Variants in FREM3 observed in about 807,000 individuals in gnomAD.
FREM3 encodes FRAS1 related extracellular matrix 3, also known as FRAS1-related extracellular matrix protein 3.
Under a neutral mutation model 129.1 loss-of-function variants are expected in FREM3, and 105 were observed. That is an observed-to-expected ratio of 0.81 (90% CI 0.69 to 0.96). The LOEUF (loss-of-function observed/expected upper bound fraction) is 0.96. FREM3 is among the 40% of genes least tolerant of loss of function. FREM3 has a pLI of 0.00. For missense variants in FREM3, 2,593 were observed against 2,666.3 expected, an observed-to-expected ratio of 0.97 and a Z score of 0.61; for synonymous variants, 1,014 against 1,044.9, an observed-to-expected ratio of 0.97 and a Z score of 0.57.
At chr4:143,595,689 C>T (rs1307255771) in intron 6 of FREM3, among the ~76,000 whole-genome samples, 1 of 152,010 alleles carries the variant, frequency 6.6e-6, no homozygotes, top group Non-Finnish European at 1.5e-5. Flanking sequence ...AGATCAAGAC[C>T]ATCCTGGCTA....
chr4:143,634,639 C>G lies in FREM3; in HGVS notation c.5276-6879G>C, dbSNP rs192347504. Among the ~76,000 whole-genome samples, 668 of 152,188 alleles carry G rather than the reference C, an allele frequency of 4.4e-3. 2 individuals carry two copies. The highest frequency in any genetic ancestry group is 0.015 in the African/African-American group (643 of 41,554). ...CATGTGTGGCTCCGACTGAGAGTCC[C>G]CTTCTGGCTGTGCATAATCACTTGC... On this transcript the variant is annotated intron_variant, in intron 2 of 7. Coordinates refer to ENST00000329798, the MANE Select transcript of FREM3 (RefSeq NM_001168235.2).
chr4:143,620,194 CAT>C (rs1198477106), intron 5 of FREM3, among the ~76,000 whole-genome samples: 13 of 152,244 alleles, frequency 8.5e-5, no homozygotes, highest in Middle Eastern at 3.4e-3. Context: ...CATAACCAAT[CAT>C]ATAGGATGCC....
chr4:143,577,532 G>T lies in FREM3; in HGVS notation c.*79C>A. 1.5e-6 allele frequency: 2 copies of T among 1,332,192 alleles called. No individual in the cohort carries two copies. Among genetic ancestry groups the T allele is most frequent in the Non-Finnish European group, 2.0e-6 (2 of 992,498 alleles). 82.5% of individuals were successfully genotyped at this position (1,332,192 alleles called of 1,614,324 possible). ...ACAATATCACTGATATCCCAGAATT[G>T]CTAAGATCTATAAACAGTAGAGTTT... is the stretch of plus-strand genomic sequence containing the variant. On this transcript the variant is annotated 3_prime_UTR_variant, in exon 8 of 8. Transcript: ENST00000329798.
chr4:143,696,980 G>T lies in FREM3; in HGVS notation c.3696C>A (p.Leu1232=). Residue 1232 remains leucine, a synonymous_variant, in exon 1 of 8, where the codon CTC becomes CTA. Coordinates refer to ENST00000329798, the MANE Select transcript of FREM3 (RefSeq NM_001168235.2). ...TTCGTCCATGCCGAGGGAGGGCTGT[G>T]AGTTGAAAGTGGAGCTCATTTGGTG... ...DLPPNELHFQ[L]TALPRHGRII... is the part of the protein sequence containing the mutation. 1 of 1,537,818 alleles carries T rather than the reference G, an allele frequency of 6.5e-7. No individual in the cohort carries two copies. Among genetic ancestry groups the T allele is most frequent in the Non-Finnish European group, 8.7e-7 (1 of 1,147,056 alleles).
chr4:143,617,272 T>C (rs1034770999), intron 5 of FREM3, among the ~76,000 whole-genome samples: 4 of 152,106 alleles, frequency 2.6e-5, no homozygotes, highest in African/African-American at 9.7e-5. Context: ...GGTGACATTT[T>C]TGGGGGTCAC....
intron 2 of FREM3, among the ~76,000 whole-genome samples, chr4:143,657,385 A>C (rs1368822823): frequency 6.6e-6 from 1 of 152,222 alleles, no homozygotes; most frequent in Non-Finnish European, 1.5e-5. Context: ...AGTCAATAGC[A>C]TTCTCAGAAT....
chr4:143,607,625 G>A (rs895503460), intron 6 of FREM3, among the ~76,000 whole-genome samples: 1 of 152,276 alleles, frequency 6.6e-6, no homozygotes, highest in East Asian at 1.9e-4. Flanking sequence ...GATTATGAGT[G>A]TAGCAGAGAA....
chr4:143,605,627 A>T (rs1738655638), intron 6 of FREM3, among the ~76,000 whole-genome samples: 1 of 152,206 alleles, frequency 6.6e-6, no homozygotes, highest in South Asian at 2.1e-4. Flanking sequence ...TTGCCAGGAT[A>T]TGCACTGGAT....
intron 2 of FREM3, among the ~76,000 whole-genome samples, chr4:143,688,181 T>TAA (rs1740402058): frequency 1.3e-5 from 2 of 151,884 alleles, no homozygotes; most frequent in Non-Finnish European, 1.5e-5. Flanking sequence ...GATACAAGAG[T>TAA]AAAGTACACA....
chr4:143,594,480 A>T (rs76366667), intron 6 of FREM3, among the ~76,000 whole-genome samples: 1,620 of 152,290 alleles, frequency 0.011, 25 homozygotes, highest in African/African-American at 0.037. Flanking sequence ...CATATTGACA[A>T]AGTCTCAAGA....
chr4:143,660,889 TG>T (rs1293251616), intron 2 of FREM3, among the ~76,000 whole-genome samples: 3 of 152,246 alleles, frequency 2.0e-5, no homozygotes, highest in Non-Finnish European at 4.4e-5. Context: ...TCTGTTTGTC[TG>T]TCATTGGTGT....
chr4:143,609,176 T>C (rs1490256953), intron 6 of FREM3, among the ~76,000 whole-genome samples: 1 of 152,120 alleles, frequency 6.6e-6, no homozygotes, highest in African/African-American at 2.4e-5. Flanking sequence ...AATCCAAGTC[T>C]CCAGACCCCC....
At chr4:143,653,670 A>C (rs1261278241) in intron 2 of FREM3, among the ~76,000 whole-genome samples, 2 of 152,224 alleles carry the variant, frequency 1.3e-5, no homozygotes, top group African/African-American at 4.8e-5. Context: ...AGAAGTGTAC[A>C]TGGGGCTTAT....
Position 143,690,432 on chromosome 4 carries a change from G to A in FREM3, c.5275+2681C>T, listed in dbSNP as rs560577881. On this transcript the variant is annotated intron_variant, in intron 2 of 7. Coordinates refer to ENST00000329798, the MANE Select transcript of FREM3 (RefSeq NM_001168235.2). ...TCCATTCTTAAGGCCCATGAGCTAA[G>A]CTGCAGCATACACCTAATGTCCAGT... is the stretch of plus-strand genomic sequence containing the variant. 6.6e-5 allele frequency among the ~76,000 whole-genome samples: 10 copies of A among 152,268 alleles called. No individual in the cohort carries two copies. The East Asian group carries it at 1.7e-3, about 26-fold the overall frequency.
At position 143,687,229 on chromosome 4, in the gene FREM3, C is replaced by T. The variant is rs112116520; in HGVS notation, c.5275+5884G>A. Reference sequence around the variant, plus strand: ...AGGCTGCTACGAACACCTTTACTCACGTAACTAGAAAACCTAGAAGAGATG... The same window carrying T: ...AGGCTGCTACGAACACCTTTACTCATGTAACTAGAAAACCTAGAAGAGATG... On this transcript the variant is annotated intron_variant, in intron 2 of 7. Transcript: ENST00000329798. Among the ~76,000 whole-genome samples, 281 of 152,072 alleles carry T rather than the reference C, an allele frequency of 1.8e-3. 1 individual carries two copies. Among genetic ancestry groups the T allele is most frequent in the African/African-American group, 6.1e-3 (252 of 41,496 alleles).
chr4:143,664,821 G>T (rs927743477), intron 2 of FREM3, among the ~76,000 whole-genome samples: 3 of 152,080 alleles, frequency 2.0e-5, no homozygotes, highest in African/African-American at 7.2e-5. Flanking sequence ...CCTCGCTGCC[G>T]CCTTGCTGTT....
chr4:143,699,165 A>G lies in FREM3; in HGVS notation c.1511T>C (p.Val504Ala), dbSNP rs1371306283. 3 of 1,537,306 alleles carry G rather than the reference A, an allele frequency of 2.0e-6. No individual in the cohort carries two copies. Among genetic ancestry groups the G allele is most frequent in the African/African-American group, 2.7e-5 (2 of 73,142 alleles). The change falls in exon 1 of 8, where the codon GTG becomes GCG. Residue 504 changes from valine to alanine, a missense_variant. Physicochemically the swap from Val to Ala is moderately conservative, Grantham distance 64. This residue lies in a region of FREM3 where 2,276 missense variants were observed against 2,267.2 expected (regional missense o/e 1.00). Coordinates refer to ENST00000329798, the MANE Select transcript of FREM3 (RefSeq NM_001168235.2). The surrounding 1 kb of genome is among the most constrained non-coding windows in gnomAD (Gnocchi z 4.2). ...TPADLAAGRV[V>A]YQHDGSNTYS... ...GGTGTTGCTGCCATCATGCTGATAC[A>G]CCACTCGCCCTGCTGCCAGGTCCGC...
Position 143,611,443 on chromosome 4 carries a change from A to G in FREM3, c.5864T>C (p.Phe1955Ser). The stretch of plus-strand genomic sequence containing the variant: ...GGTCTTCTGTGTCTCATTCTTGTCA[A>G]AGTGGAGGATGCTGGTGTGGTCTTC... ...RPEDHTSILH[F>S]DKNETQKTCQ... The change falls in exon 6 of 8, where the codon TTT (phenylalanine) becomes TCT (serine). Residue 1955 changes from phenylalanine (F) to serine (S), a missense_variant. Transcript: ENST00000329798. 1 of 1,537,216 alleles carries G rather than the reference A, an allele frequency of 6.5e-7. No homozygotes were observed. The highest frequency in any genetic ancestry group is 8.7e-7 in the Non-Finnish European group (1 of 1,146,860).
chr4:143,654,067 C>T (rs1168664766), intron 2 of FREM3, among the ~76,000 whole-genome samples: 1 of 152,106 alleles, frequency 6.6e-6, no homozygotes, highest in South Asian at 2.1e-4. Context: ...AAATCCAGTA[C>T]AACAAACCAA....
Sources: allele counts gnomAD v4.1 joint callset (sites outside exome capture counted in the v4.1 genomes callset), GRCh38; gene constraint gnomAD v4.1.1; regional missense constraint gnomAD v4.1.1; non-coding constraint Gnocchi (gnomAD v3.1); transcripts MANE v1.5; gene names NCBI Gene and HGNC (gene_info 2026-07-23, HGNC 2026-07-21).